Variants in NUBP1 observed in about 807,000 individuals in gnomAD.
NUBP1 encodes the protein NUBP iron-sulfur cluster assembly factor 1, cytosolic, also known as cytosolic Fe-S cluster assembly factor NUBP1.
In NUBP1, 46 loss-of-function variants were observed where a neutral mutation model predicts 41.8. The ratio of observed to expected loss-of-function variants is 1.10; its 90% CI spans 0.87 to 1.41. NUBP1 has a LOEUF of 1.41. Among genes scored for constraint, NUBP1 ranks in the 40% most tolerant of loss-of-function variants. NUBP1 has a pLI of 0.00. For missense variants in NUBP1, 494 were observed against 414.0 expected, an observed-to-expected ratio of 1.19 and a Z score of -1.68; for synonymous variants, 189 against 154.6, an observed-to-expected ratio of 1.22 and a Z score of -1.65.
chr16:10,755,852 C>A, intron 5 of NUBP1, 99 bp downstream of exon 5: 1 of 1,098,986 alleles, frequency 9.1e-7, no homozygotes, highest in Non-Finnish European at 1.4e-6. Flanking sequence ...TATTAGGGTA[C>A]TTTTCGAGGC....
At position 10,767,589 on chromosome 16, in the gene NUBP1, T is replaced by C. The variant is rs2031090458; in HGVS notation, c.821-360T>C. On this transcript the variant is annotated intron_variant, in intron 9 of 10. Transcript: ENST00000283027. The surrounding 1 kb of genome is among the most constrained non-coding windows in gnomAD (Gnocchi z 4.6). ...ACTTGGCCTTTTATGCCATATCCTTTTGCATTCTGTACTTTTTTTAACCAT... is the reference window on the plus strand; with the variant it reads ...ACTTGGCCTTTTATGCCATATCCTTCTGCATTCTGTACTTTTTTTAACCAT... 1 of 456,842 alleles carries C rather than the reference T, an allele frequency of 2.2e-6. No homozygotes were observed. The highest frequency in any genetic ancestry group is 3.8e-5 in the Admixed American group (1 of 25,996). 28.3% of individuals were successfully genotyped at this position (456,842 alleles called of 1,614,324 possible).
chr16:10,743,856 G>A lies in NUBP1; in HGVS notation c.-8G>A. 1.3e-6 allele frequency: 2 copies of A among 1,562,812 alleles called. No individual in the cohort carries two copies. The highest frequency in any genetic ancestry group is 1.7e-6 in the Non-Finnish European group (2 of 1,153,832). On this transcript the variant is annotated 5_prime_UTR_variant, in exon 1 of 11. Coordinates refer to ENST00000283027, the MANE Select transcript of NUBP1 (RefSeq NM_002484.4). The stretch of plus-strand genomic sequence containing the variant: ...TCCGGTGACCACGAAGGCGGCAAAG[G>A]CGACGGAATGGAGGAGGTGCCTCAC...
intron 4 of NUBP1, among the ~76,000 whole-genome samples, chr16:10,753,610 G>GA (rs1343151256): frequency 6.6e-6 from 1 of 152,118 alleles, no homozygotes. Flanking sequence ...CTGTTTTGGG[G>GA]ATGCAGTGGT....
chr16:10,746,745 A>C (rs1900081334), intron 2 of NUBP1, among the ~76,000 whole-genome samples: 1 of 152,120 alleles, frequency 6.6e-6, no homozygotes, highest in Admixed American at 6.5e-5. Flanking sequence ...GTCTCAAAAA[A>C]AAAAGAAAGA....
chr16:10,768,982 C>G lies in NUBP1; in HGVS notation c.905-65C>G. Reference sequence around the variant, plus strand: ...TGTCAAAACACAGCCCTCCCCAGCACAGGACAGGGCTGTCAAGGGGTAGAC... The same window carrying G: ...TGTCAAAACACAGCCCTCCCCAGCAGAGGACAGGGCTGTCAAGGGGTAGAC... On this transcript the variant is annotated intron_variant, in intron 10 of 10. Coordinates refer to ENST00000283027, the MANE Select transcript of NUBP1 (RefSeq NM_002484.4). This position sits in a 1 kb window ranked among gnomAD's most constrained non-coding sequence, Gnocchi z 4.3. 6.8e-7 allele frequency: 1 copy of G among 1,463,278 alleles called. No homozygotes were observed. The highest frequency in any genetic ancestry group is 9.6e-7 in the Non-Finnish European group (1 of 1,044,330). 90.6% of individuals were successfully genotyped at this position (1,463,278 alleles called of 1,614,324 possible).
chr16:10,766,906 T>A lies in NUBP1; in HGVS notation c.821-1043T>A, dbSNP rs1409975267. The A allele has an allele frequency of 5.0e-6, 2 of 398,490 alleles. No individual in the cohort carries two copies. 24.7% of individuals were successfully genotyped at this position (398,490 alleles called of 1,614,324 possible). A position where few individuals can be genotyped will look rare whatever the true frequency, so the allele number is the denominator to read the frequency against. On this transcript the variant is annotated intron_variant, in intron 9 of 10. Coordinates refer to ENST00000283027, the MANE Select transcript of NUBP1 (RefSeq NM_002484.4). The surrounding 1 kb of genome is among the most constrained non-coding windows in gnomAD (Gnocchi z 4.8). ...TTCCTGTTATGGCTCAAGTGCGAAT[T>A]GGCCTTATGTTCCCTGCCTCTGGAC...
At position 10,767,931 on chromosome 16, in the gene NUBP1, G is replaced by A. The variant is rs750057791; in HGVS notation, c.821-18G>A. 9.9e-6 allele frequency: 16 copies of A among 1,612,728 alleles called. No individual in the cohort carries two copies. The highest frequency in any genetic ancestry group is 5.0e-5 in the Admixed American group (3 of 59,992). ...TTCCTCTTGGACTGAATTGTCTTCCGTTTGTTTCTTTTTTAAGGTAAGAAT... is the reference window on the plus strand; with the variant it reads ...TTCCTCTTGGACTGAATTGTCTTCCATTTGTTTCTTTTTTAAGGTAAGAAT... On this transcript the variant is annotated intron_variant, in intron 9 of 10. Coordinates refer to ENST00000283027, the MANE Select transcript of NUBP1 (RefSeq NM_002484.4). This position sits in a 1 kb window ranked among gnomAD's most constrained non-coding sequence, Gnocchi z 4.6.
intron 7 of NUBP1, among the ~76,000 whole-genome samples, chr16:10,758,786 C>T (rs551133819): frequency 2.6e-5 from 4 of 152,166 alleles, no homozygotes; most frequent in African/African-American, 4.8e-5. Flanking sequence ...ATAGGGATTT[C>T]GGGATAAGCC....
chr16:10,750,275 C>T (rs549582824), intron 3 of NUBP1, among the ~76,000 whole-genome samples: 5 of 152,290 alleles, frequency 3.3e-5, no homozygotes, highest in African/African-American at 1.2e-4. Context: ...GACGGAGTCT[C>T]ATTCTTTTGC....
At chr16:10,758,886 C>T (rs766986159) in intron 7 of NUBP1, among the ~76,000 whole-genome samples, 1 of 152,138 alleles carries the variant, frequency 6.6e-6, no homozygotes, top group African/African-American at 2.4e-5. Context: ...ATGGTGAGCC[C>T]GAGCTGAGAG....
At chr16:10,751,480 G>A (rs372931589) in intron 3 of NUBP1, among the ~76,000 whole-genome samples, 2 of 152,172 alleles carry the variant, frequency 1.3e-5, no homozygotes, top group Admixed American at 6.6e-5. Context: ...GCTGGGTGCT[G>A]AGGAAGTAGG....
At chr16:10,747,702 C>G (rs1445142107) in intron 3 of NUBP1, among the ~76,000 whole-genome samples, 3 of 152,178 alleles carry the variant, frequency 2.0e-5, no homozygotes, top group African/African-American at 7.2e-5. Context: ...CGGCAGAGAG[C>G]AAAGAAATGC....
At chr16:10,744,152 G>A (rs1235931547) in intron 2 of NUBP1, 87 bp downstream of exon 2, 1 of 1,209,762 alleles carries the variant, frequency 8.3e-7, no homozygotes, top group South Asian at 1.5e-5. Context: ...GGGATCTGCA[G>A]AATGACTGAC....
intron 2 of NUBP1, among the ~76,000 whole-genome samples, chr16:10,746,510 G>T (rs1257827318): frequency 6.6e-6 from 1 of 152,224 alleles, no homozygotes; most frequent in East Asian, 1.9e-4. Context: ...GGAGGCCAAG[G>T]TGGGTGGATC....
In NUBP1 at chr16:10,768,888, T is replaced by C; in HGVS notation, c.905-159T>C. On this transcript the variant is annotated intron_variant, in intron 10 of 10. Coordinates refer to ENST00000283027, the MANE Select transcript of NUBP1 (RefSeq NM_002484.4). This position sits in a 1 kb window ranked among gnomAD's most constrained non-coding sequence, Gnocchi z 4.3. ...AGATGGGTAGTGTGAGGTATTCCGGTCACTTTCAAAGACTCAGGGCATCAC... is the reference window on the plus strand; with the variant it reads ...AGATGGGTAGTGTGAGGTATTCCGGCCACTTTCAAAGACTCAGGGCATCAC... 1 of 627,080 alleles carries C rather than the reference T, an allele frequency of 1.6e-6. No homozygotes were observed. The highest frequency in any genetic ancestry group is 2.8e-6 in the Non-Finnish European group (1 of 351,344). The allele number at this position is 627,080 out of a possible 1,614,324, so 38.8% of individuals were successfully genotyped here. A position where few individuals can be genotyped will look rare whatever the true frequency, so the allele number is the denominator to read the frequency against.
At chr16:10,764,042 C>T (rs2030447312) in intron 9 of NUBP1, among the ~76,000 whole-genome samples, 1 of 152,190 alleles carries the variant, frequency 6.6e-6, no homozygotes, top group South Asian at 2.1e-4. Context: ...ATGGGAGCAT[C>T]CCAGCCCAAA....
At chr16:10,756,212 C>G (rs981528825) in intron 5 of NUBP1, among the ~76,000 whole-genome samples, 11 of 152,118 alleles carry the variant, frequency 7.2e-5, no homozygotes, top group African/African-American at 2.4e-4. Flanking sequence ...AATCCCATCT[C>G]TACTAAAGAT....
intron 3 of NUBP1, among the ~76,000 whole-genome samples, chr16:10,750,520 G>T (rs572205545): frequency 1.3e-5 from 2 of 152,340 alleles, no homozygotes; most frequent in Admixed American, 1.3e-4. Flanking sequence ...GAAATTATAG[G>T]CGTAAGCCAC....
intron 2 of NUBP1, 122 bp from the exon 3 acceptor site, chr16:10,747,021 C>T: frequency 1.3e-5 from 14 of 1,109,582 alleles, no homozygotes; most frequent in South Asian, 1.5e-5. Flanking sequence ...TTCAGAGGAT[C>T]GTTTTAAACA....
Sources: allele counts gnomAD v4.1 joint callset (sites outside exome capture counted in the v4.1 genomes callset), GRCh38; gene constraint gnomAD v4.1.1; non-coding constraint Gnocchi (gnomAD v3.1); transcripts MANE v1.5; gene names NCBI Gene and HGNC (gene_info 2026-07-23, HGNC 2026-07-21).